OR8J3: variants seen among roughly 807,000 people sequenced by gnomAD.
OR8J3 encodes olfactory receptor family 8 subfamily J member 3.
For missense variants in OR8J3, 418 were observed against 379.8 expected (o/e 1.10, Z -0.84); for synonymous variants, 170 against 142.6 (o/e 1.19, Z -1.37).
chr11:56,137,940 ATG>A lies in OR8J3; in HGVS notation c.-224_-223del. 1 of 521,698 alleles carries A rather than the reference ATG, an allele frequency of 1.9e-6. No homozygotes were observed. Among genetic ancestry groups the A allele is most frequent in the East Asian group, 3.1e-5 (1 of 32,250 alleles). The allele number at this position is 521,698 out of a possible 1,614,324, so 32.3% of individuals were successfully genotyped here. A position where few individuals can be genotyped will look rare whatever the true frequency, so the allele number is the denominator to read the frequency against. ...GTAAAGCAAGTATGGTAAATTTAGT[ATG>A]GCAAAGTAAATAGTTGTTTCAGCAT... On this transcript the variant is annotated 5_prime_UTR_variant, in exon 2 of 2. An upstream open reading frame in the 5' UTR loses its in-frame stop. Coordinates refer to ENST00000642058, the MANE Select transcript of OR8J3 (RefSeq NM_001004064.2).
Position 56,137,465 on chromosome 11 carries a change from A to G in OR8J3, c.254T>C (p.Phe85Ser). 6.2e-7 allele frequency: 1 copy of G among 1,614,224 alleles called. No individual in the cohort carries two copies. Among genetic ancestry groups the G allele is most frequent in the Non-Finnish European group, 8.5e-7 (1 of 1,180,036 alleles). Reference sequence around the variant, plus strand: ...TGAGGTAGTTTTCTTCTTTACTAAAAAGTTCATCAGCATTTTAGGGGCAAT... The same window carrying G: ...TGAGGTAGTTTTCTTCTTTACTAAAGAGTTCATCAGCATTTTAGGGGCAAT... ...TVIAPKMLMN[F>S]LVKKKTTSFY... Residue 85 changes from phenylalanine (F) to serine (S), a missense_variant, in exon 2 of 2, where the codon TTT (phenylalanine) becomes TCT (serine). By Grantham distance (155) the Phe-to-Ser change is radical (BLOSUM62 -2). Transcript: ENST00000642058.
rs944301508 is a variant in OR8J3 at position 56,138,064 on chromosome 11, T to C, written c.-346A>G. Reference sequence around the variant, plus strand: ...TTTGAAGCTGGGATGTATCTGATGATTTTTGCACTGATCATGAGAAAGGCT... The same window carrying C: ...TTTGAAGCTGGGATGTATCTGATGACTTTTGCACTGATCATGAGAAAGGCT... On this transcript the variant is annotated 5_prime_UTR_variant, in exon 2 of 2. Transcript: ENST00000642058. 1.1e-4 allele frequency: 25 copies of C among 234,460 alleles called. No homozygotes were observed. Among genetic ancestry groups the C allele is most frequent in the African/African-American group, 5.5e-4 (24 of 44,034 alleles). 14.5% of individuals were successfully genotyped at this position (234,460 alleles called of 1,614,324 possible). A position where few individuals can be genotyped will look rare whatever the true frequency, so the allele number is the denominator to read the frequency against.
intron 1 of OR8J3, among the ~76,000 whole-genome samples, chr11:56,139,446 A>G (rs1854368689): frequency 6.6e-6 from 1 of 152,186 alleles, no homozygotes; most frequent in Admixed American, 6.5e-5. Context: ...TACCAAGCAT[A>G]AATTTTTCCT....
At chr11:56,139,609 C>T (rs759388372) in intron 1 of OR8J3, among the ~76,000 whole-genome samples, 2 of 152,116 alleles carry the variant, frequency 1.3e-5, no homozygotes, top group Non-Finnish European at 2.9e-5. Context: ...GTTAAGAAGG[C>T]ATATAAACAC....
At chr11:56,138,558 C>T (rs965544482) in intron 1 of OR8J3, 61 bp from the exon 2 acceptor site, 1 of 151,928 alleles carries the variant, frequency 6.6e-6, no homozygotes, top group Non-Finnish European at 1.5e-5. Context: ...GCCTGTAGTC[C>T]CAGCTACTCG....
Position 56,137,639 on chromosome 11 carries a change from A to C in OR8J3, c.80T>G (p.Leu27Arg), listed in dbSNP as rs1348944555. The C allele has an allele frequency of 1.9e-6, 3 of 1,614,222 alleles. No individual in the cohort carries two copies. The highest frequency in any genetic ancestry group is 2.5e-6 in the Non-Finnish European group (3 of 1,180,042). Residue 27 changes from leucine to arginine, a missense_variant, in exon 2 of 2, where the codon CTC (leucine) becomes CGC (arginine). Coordinates refer to ENST00000642058, the MANE Select transcript of OR8J3 (RefSeq NM_001004064.2). Reference protein sequence around the residue: ...VSSCPELQIPLFLVFLVLYVL... With the variant: ...VSSCPELQIPRFLVFLVLYVL... ...ATAGAGCACTAGGAAGACCAGGAAGAGGGGAATCTGGAGCTCTGGACAGCT... is the reference window on the plus strand; with the variant it reads ...ATAGAGCACTAGGAAGACCAGGAAGCGGGGAATCTGGAGCTCTGGACAGCT...
rs1395681260 is a variant in OR8J3, at chr11:56,136,959, TCCCATAGAAAA to T, written c.749_759del (p.Val250AspfsTer18). The T allele has an allele frequency of 4.3e-6, 7 of 1,613,594 alleles. No homozygotes were observed. Among genetic ancestry groups the T allele is most frequent in the Middle Eastern group, 1.6e-4 (1 of 6,070 alleles). On this transcript the variant is annotated frameshift_variant, in exon 2 of 2. Transcript: ENST00000642058. LOFTEE classifies it low-confidence loss of function (END_TRUNC). ...GGCTGCAAATACATAAATAGCATTG[TCCCATAGAAAA>T]CCGTGACTGCTATCATATGCGAAGC...
At position 56,135,965 on chromosome 11, in the gene OR8J3, A is replaced by G. The variant is rs755933789; in HGVS notation, c.*806T>C. ...TCAAAAACTATCAGAAAAAAAGAACAAAAATTCAAAAAATATTTCTGATGA... is the reference window on the plus strand; with the variant it reads ...TCAAAAACTATCAGAAAAAAAGAACGAAAATTCAAAAAATATTTCTGATGA... On this transcript the variant is annotated 3_prime_UTR_variant, in exon 2 of 2. Transcript: ENST00000642058. 2.6e-5 allele frequency: 4 copies of G among 152,046 alleles called. No homozygotes were observed. The highest frequency in any genetic ancestry group is 5.9e-5 in the Non-Finnish European group (4 of 67,912). The allele number at this position is 152,046 out of a possible 1,614,324, so 9.4% of individuals were successfully genotyped here.
chr11:56,138,680 C>A (rs10791829), intron 1 of OR8J3, among the ~76,000 whole-genome samples, 183 bp from the exon 2 acceptor site: 66,255 of 137,986 alleles, frequency 0.48, 15,349 homozygotes, highest in East Asian at 0.72. Flanking sequence ...GGCGACAGAG[C>A]GAGACTCCGT....
At chr11:56,139,320 G>T (rs548745318) in intron 1 of OR8J3, among the ~76,000 whole-genome samples, 3 of 151,652 alleles carry the variant, frequency 2.0e-5, no homozygotes, top group African/African-American at 7.2e-5. Context: ...AGAAACAAAT[G>T]ATTATTCTAC....
rs1302773260 is a variant in OR8J3, at chr11:56,136,204, T to A, written c.*567A>T. The A allele has an allele frequency of 2.6e-5, 4 of 152,032 alleles. No individual in the cohort carries two copies. Among genetic ancestry groups the A allele is most frequent in the Non-Finnish European group, 4.4e-5 (3 of 67,926 alleles). 9.4% of individuals were successfully genotyped at this position (152,032 alleles called of 1,614,324 possible). A position where few individuals can be genotyped will look rare whatever the true frequency, so the allele number is the denominator to read the frequency against. The stretch of plus-strand genomic sequence containing the variant: ...TAAAAATTGCAGAAAATATATTAGT[T>A]GGAATAAAATATTTTCAATTATATA... On this transcript the variant is annotated 3_prime_UTR_variant, in exon 2 of 2. Transcript: ENST00000642058.
At position 56,137,545 on chromosome 11, in the gene OR8J3, G is replaced by A. The variant is rs1395939301; in HGVS notation, c.174C>T (p.Pro58=). The A allele has an allele frequency of 6.2e-7, 1 of 1,614,210 alleles. No individual in the cohort carries two copies. The highest frequency in any genetic ancestry group is 8.5e-7 in the Non-Finnish European group (1 of 1,180,030). ...LTSVDSRLQN[P]MYFFLRHLAI... is the part of the protein sequence containing the mutation. ...CTAGATGTCTCAGGAAAAAGTACATGGGGTTTTGAAGTCGAGAGTCAACAC... is the reference window on the plus strand; with the variant it reads ...CTAGATGTCTCAGGAAAAAGTACATAGGGTTTTGAAGTCGAGAGTCAACAC... The change falls in exon 2 of 2, where the codon CCC becomes CCT. Residue 58 remains proline, a synonymous_variant. Transcript: ENST00000642058.
chr11:56,139,998 G>T (rs756585439), intron 1 of OR8J3, among the ~76,000 whole-genome samples, 175 bp downstream of exon 1: 11 of 152,248 alleles, frequency 7.2e-5, no homozygotes, highest in Non-Finnish European at 1.5e-4. Flanking sequence ...GGTAAATAAT[G>T]ATAGACAAAG....
At chr11:56,138,617 G>A (rs1353173237) in intron 1 of OR8J3, 120 bp from the exon 2 acceptor site, 1 of 151,442 alleles carries the variant, frequency 6.6e-6, no homozygotes, top group Non-Finnish European at 1.5e-5. Context: ...GGAGCTTGCA[G>A]TGAGCCGAGA....
At position 56,137,415 on chromosome 11, in the gene OR8J3, C is replaced by A. The variant is rs1218309565; in HGVS notation, c.304G>T (p.Gly102Ter). The A allele has an allele frequency of 6.2e-7, 1 of 1,614,090 alleles. No individual in the cohort carries two copies. Among genetic ancestry groups the A allele is most frequent in the Non-Finnish European group, 8.5e-7 (1 of 1,180,026 alleles). Residue 102 changes from glycine to a stop codon, truncating the protein, a stop_gained, in exon 2 of 2, where the codon GGA becomes TGA. Coordinates refer to ENST00000642058, the MANE Select transcript of OR8J3 (RefSeq NM_001004064.2). LOFTEE classifies it low-confidence loss of function (END_TRUNC). ...GATACAATAAAGAACAAGAACCCTCCCAGTTGGGTGGCACATTCATAGAAT... is the reference window on the plus strand; with the variant it reads ...GATACAATAAAGAACAAGAACCCTCACAGTTGGGTGGCACATTCATAGAAT... ...TSFYECATQL[G>*]GFLFFIVSEV...
rs1471360549 is a variant in OR8J3, at chr11:56,136,579, G to A, written c.*192C>T. On this transcript the variant is annotated 3_prime_UTR_variant, in exon 2 of 2. Coordinates refer to ENST00000642058, the MANE Select transcript of OR8J3 (RefSeq NM_001004064.2). ...GGTTACCTGATTATTTCTGGGCAAA[G>A]TTAATAAATAATATTTTTGTTTTGT... is the stretch of plus-strand genomic sequence containing the variant. The A allele has an allele frequency of 5.1e-6, 2 of 391,112 alleles. No individual in the cohort carries two copies. Among genetic ancestry groups the A allele is most frequent in the Non-Finnish European group, 9.0e-6 (2 of 222,764 alleles). The allele number at this position is 391,112 out of a possible 1,614,324, so 24.2% of individuals were successfully genotyped here.
At position 56,136,157 on chromosome 11, in the gene OR8J3, A is replaced by T. The variant is rs1854328379; in HGVS notation, c.*614T>A. ...ACCCAGTATAAAAGCATATTCAGTG[A>T]TAGTAGTCTGAGCATTTTATTTAAA... On this transcript the variant is annotated 3_prime_UTR_variant, in exon 2 of 2. Coordinates refer to ENST00000642058, the MANE Select transcript of OR8J3 (RefSeq NM_001004064.2). 1 of 152,082 alleles carries T rather than the reference A, an allele frequency of 6.6e-6. No homozygotes were observed. Among genetic ancestry groups the T allele is most frequent in the South Asian group, 2.1e-4 (1 of 4,832 alleles). 9.4% of individuals were successfully genotyped at this position (152,082 alleles called of 1,614,324 possible).
In OR8J3 at chr11:56,136,710, T is replaced by G; in HGVS notation, c.*61A>C. 1.1e-6 allele frequency: 1 copy of G among 896,718 alleles called. No homozygotes were observed. Among genetic ancestry groups the G allele is most frequent in the Non-Finnish European group, 1.7e-6 (1 of 598,900 alleles). 55.5% of individuals were successfully genotyped at this position (896,718 alleles called of 1,614,324 possible). The stretch of plus-strand genomic sequence containing the variant: ...GGATTGCTTGTAAACTTACTTTTAT[T>G]TCTCTTACATAATGGCAGGTTACAT... On this transcript the variant is annotated 3_prime_UTR_variant, in exon 2 of 2. Coordinates refer to ENST00000642058, the MANE Select transcript of OR8J3 (RefSeq NM_001004064.2).
In OR8J3 at chr11:56,135,074, G is replaced by A. The variant is rs1286158729; in HGVS notation, c.*1697C>T. 1 of 151,756 alleles carries A rather than the reference G, an allele frequency of 6.6e-6. No homozygotes were observed. The allele number at this position is 151,756 out of a possible 1,614,324, so 9.4% of individuals were successfully genotyped here. A position where few individuals can be genotyped will look rare whatever the true frequency, so the allele number is the denominator to read the frequency against. On this transcript the variant is annotated 3_prime_UTR_variant, in exon 2 of 2. Transcript: ENST00000642058. ...CATTATATTTCATTTGTCATATTTG[G>A]CTACAAACAATTTTATGGTCTTCTA...
Sources: gnomAD v4.1 joint callset for allele counts (sites outside exome capture counted in the v4.1 genomes callset) on GRCh38, gnomAD v4.1.1 for gene constraint, MANE v1.5 for transcripts, NCBI Gene and HGNC (gene_info 2026-07-23, HGNC 2026-07-21) for gene names.